NLK: variants seen among roughly 807,000 people sequenced by gnomAD.
NLK encodes the protein nemo like kinase, also known as serine/threonine-protein kinase NLK.
Under a neutral mutation model 59.0 loss-of-function variants are expected in NLK, and 11 were observed. The observed-to-expected ratio is 0.19, with a 90% CI of 0.12 to 0.31. The LOEUF (loss-of-function observed/expected upper bound fraction) is 0.31. NLK is among the 10% of genes least tolerant of loss of function. The pLI, the probability that NLK is intolerant of heterozygous loss-of-function variation, is 1.00. For synonymous variants in NLK, 235 were observed against 235.9 expected (o/e 1.00, Z 0.03); for missense variants, 410 against 661.1 (o/e 0.62, Z 4.16).
chr17:28,142,510 C>T (rs34091940), intron 3 of NLK, among the ~76,000 whole-genome samples: 2 of 152,122 alleles, frequency 1.3e-5, no homozygotes, highest in African/African-American at 4.8e-5. Flanking sequence ...ATGAGATTTA[C>T]GGCTGACCAT....
intron 1 of NLK, among the ~76,000 whole-genome samples, chr17:28,074,604 T>C (rs1301097574): frequency 6.6e-6 from 1 of 152,198 alleles, no homozygotes; most frequent in African/African-American, 2.4e-5. Flanking sequence ...TATATATTTG[T>C]CCTGCAGTTT....
intron 1 of NLK, among the ~76,000 whole-genome samples, chr17:28,112,042 G>A (rs1162038418): frequency 6.6e-6 from 1 of 151,812 alleles, no homozygotes; most frequent in African/African-American, 2.4e-5. Flanking sequence ...CTCTCAGTCA[G>A]CAAGAGATCT....
intron 4 of NLK, among the ~76,000 whole-genome samples, chr17:28,162,802 C>T (rs1207075687): frequency 6.6e-6 from 1 of 152,066 alleles, no homozygotes; most frequent in Non-Finnish European, 1.5e-5. Flanking sequence ...GCCCGTAGTT[C>T]CCACTTCTCA....
intron 4 of NLK, among the ~76,000 whole-genome samples, chr17:28,163,045 G>A (rs1360395923): frequency 2.6e-5 from 4 of 152,204 alleles, no homozygotes; most frequent in East Asian, 3.8e-4. Context: ...TTTTAAAGTG[G>A]TTCATTACCC....
chr17:28,161,419 A>G (rs772173101), intron 4 of NLK, among the ~76,000 whole-genome samples, 153 bp downstream of exon 4: 4 of 152,194 alleles, frequency 2.6e-5, no homozygotes, highest in Non-Finnish European at 5.9e-5. Flanking sequence ...TCTATATTTA[A>G]TGTTAAAGAG....
chr17:28,043,414 C>A, intron 1 of NLK, 83 bp downstream of exon 1: 1 of 1,217,130 alleles, frequency 8.2e-7, no homozygotes, highest in South Asian at 1.6e-5. Flanking sequence ...ATGGTTGTCT[C>A]CATGTTGACC....
At chr17:28,204,249 G>A in the NLK span, among the ~76,000 whole-genome samples, 2 of 152,206 alleles carry the variant, frequency 1.3e-5, no homozygotes, top group Non-Finnish European at 2.9e-5. Context: ...CAGAGTTTGT[G>A]GTCTGAGCCG....
At chr17:28,192,248 G>T in intron 10 of NLK, 35 bp downstream of exon 10, 2 of 1,095,356 alleles carry the variant, frequency 1.8e-6, no homozygotes, top group Non-Finnish European at 2.7e-6. Flanking sequence ...ATTCTTGTTA[G>T]AATTAAAAGG....
intron 1 of NLK, 60 bp from the exon 2 acceptor site, chr17:28,122,543 A>G (rs756024540): frequency 3.8e-6 from 6 of 1,568,162 alleles, no homozygotes; most frequent in Non-Finnish European, 5.2e-6. Context: ...ATTGGAAAAC[A>G]AGGTGTGGAA....
chr17:28,117,211 T>C (rs1428248677), intron 1 of NLK, among the ~76,000 whole-genome samples: 1 of 152,316 alleles, frequency 6.6e-6, no homozygotes, highest in East Asian at 1.9e-4. Context: ...ATCTATAGTA[T>C]AGATGGAACT....
chr17:28,109,930 A>G (rs1905389056), intron 1 of NLK, among the ~76,000 whole-genome samples: 1 of 152,234 alleles, frequency 6.6e-6, no homozygotes, highest in South Asian at 2.1e-4. Context: ...GTGCCATTGT[A>G]CAGTTTTACC....
At chr17:28,131,305 T>C (rs977085103) in intron 2 of NLK, among the ~76,000 whole-genome samples, 16 of 152,066 alleles carry the variant, frequency 1.1e-4, no homozygotes, top group Admixed American at 5.2e-4. Flanking sequence ...ACTTTTTTTT[T>C]AATATGAGAA....
intron 1 of NLK, among the ~76,000 whole-genome samples, chr17:28,080,819 T>C (rs1171275335): frequency 6.6e-6 from 1 of 152,184 alleles, no homozygotes; most frequent in Non-Finnish European, 1.5e-5. Flanking sequence ...TCGGTGTAAG[T>C]TAATGTTTTT....
intron 3 of NLK, among the ~76,000 whole-genome samples, chr17:28,155,689 C>T: frequency 6.6e-6 from 1 of 151,754 alleles, no homozygotes; most frequent in Non-Finnish European, 1.5e-5. Context: ...GGCAGAAAAC[C>T]AAACACCGCA....
chr17:28,152,292 C>G (rs987232791), intron 3 of NLK, among the ~76,000 whole-genome samples: 18 of 152,204 alleles, frequency 1.2e-4, no homozygotes, highest in Non-Finnish European at 1.5e-5. Flanking sequence ...TTATTTCATA[C>G]TTACTCTGTT....
chr17:28,043,448 C>G (rs1908942894), intron 1 of NLK, 117 bp downstream of exon 1: 1 of 907,780 alleles, frequency 1.1e-6, no homozygotes, highest in African/African-American at 1.7e-5. Context: ...CTTCTCAACC[C>G]AACTGTAGGA....
intron 3 of NLK, among the ~76,000 whole-genome samples, chr17:28,141,623 T>A (rs190404251): frequency 2.4e-4 from 36 of 152,306 alleles, no homozygotes; most frequent in African/African-American, 8.4e-4. Flanking sequence ...TTCAGACGTG[T>A]TAAGGAAAGG....
intron 3 of NLK, among the ~76,000 whole-genome samples, chr17:28,142,281 T>C (rs1225086571): frequency 6.6e-6 from 1 of 152,198 alleles, no homozygotes; most frequent in East Asian, 1.9e-4. Context: ...TTTTTGACAT[T>C]CTATACAACA....
chr17:28,146,719 G>C (rs1403226944), intron 3 of NLK, among the ~76,000 whole-genome samples: 1 of 152,094 alleles, frequency 6.6e-6, no homozygotes, highest in Non-Finnish European at 1.5e-5. Flanking sequence ...TCCTGAAGTA[G>C]AATTGTTTTG....
Sources: allele counts gnomAD v4.1 joint callset (sites outside exome capture counted in the v4.1 genomes callset), GRCh38; gene constraint gnomAD v4.1.1; transcripts MANE v1.5; gene names NCBI Gene and HGNC (gene_info 2026-07-23, HGNC 2026-07-21).